GRK4: variants seen among roughly 807,000 people sequenced by gnomAD.
GRK4 encodes the protein G protein-coupled receptor kinase 4, also known as G protein-coupled receptor kinase 2-like.
A neutral mutation model predicts 77.9 loss-of-function variants in GRK4; 73 were observed. That is an observed-to-expected ratio of 0.94 (90% CI 0.78 to 1.14). GRK4 has a LOEUF of 1.14. GRK4 is among the 50% of genes most tolerant of loss of function. The probability of loss-of-function intolerance (pLI) is 0.00; values close to 1 mark genes in which losing one functional copy is unlikely to be tolerated. For synonymous variants in GRK4, 257 were observed against 254.4 expected, an observed-to-expected ratio of 1.01 and a Z score of -0.10; for missense variants, 729 against 700.2, an observed-to-expected ratio of 1.04 and a Z score of -0.46.
intron 8 of GRK4, among the ~76,000 whole-genome samples, chr4:3,015,316 A>G (rs1249745279): frequency 6.6e-6 from 1 of 152,252 alleles, no homozygotes; most frequent in Non-Finnish European, 1.5e-5. Context: ...TTTATTTCTT[A>G]GCCCGGAGGT....
At position 3,013,756 on chromosome 4, in the gene GRK4, AAAG is replaced by A; in HGVS notation, c.674_676del (p.Lys225del). 2 of 1,613,738 alleles carry A rather than the reference AAAG, an allele frequency of 1.2e-6. No homozygotes were observed. The highest frequency in any genetic ancestry group is 2.2e-5 in the South Asian group (2 of 90,906). ...GCAAAAAGCTACAAAAAAAAAGAAT[AAAG>A]AAGAGGAAAGGTGAAGCTATGGCTC... On this transcript the variant is annotated inframe_deletion, in exon 8 of 16. Coordinates refer to ENST00000398052, the MANE Select transcript of GRK4 (RefSeq NM_182982.3).
intron 5 of GRK4, among the ~76,000 whole-genome samples, chr4:3,005,239 T>C (rs147832764): frequency 1.6e-4 from 25 of 152,082 alleles, no homozygotes; most frequent in African/African-American, 5.8e-4. Context: ...CAGTCACTCA[T>C]GTCACAGCGG....
intron 12 of GRK4, among the ~76,000 whole-genome samples, chr4:3,031,392 TGCG>T (rs1343793495): frequency 6.6e-6 from 1 of 152,126 alleles, no homozygotes; most frequent in Non-Finnish European, 1.5e-5. Flanking sequence ...CAAGAGCCCA[TGCG>T]GACCTGAAGG....
At chr4:3,026,744 G>A (rs535098455) in intron 10 of GRK4, among the ~76,000 whole-genome samples, 1 of 152,372 alleles carries the variant, frequency 6.6e-6, no homozygotes, top group African/African-American at 2.4e-5. Context: ...CGCAGCAAGG[G>A]CGGGGTGTGG....
chr4:3,027,173 G>A (rs1737818745), intron 10 of GRK4, among the ~76,000 whole-genome samples: 1 of 152,166 alleles, frequency 6.6e-6, no homozygotes, highest in African/African-American at 2.4e-5. Flanking sequence ...CAGAGTAGCT[G>A]GGACCATAGC....
At chr4:3,030,942 T>C (rs1013107736) in intron 12 of GRK4, among the ~76,000 whole-genome samples, 10 of 152,058 alleles carry the variant, frequency 6.6e-5, no homozygotes, top group Non-Finnish European at 1.2e-4. Flanking sequence ...AGGAAGGCCA[T>C]TGGGGGCTTT....
At position 2,963,945 on chromosome 4, in the gene GRK4, T is replaced by C. The variant is rs753867455; in HGVS notation, c.-126T>C. ...GCGGCGGAGCAGCCTCCCGGGATCG[T>C]GTCCGGAGCTCGAGGAGAGGGTGGT... is the stretch of plus-strand genomic sequence containing the variant. On this transcript the variant is annotated 5_prime_UTR_variant, in exon 1 of 16. Transcript: ENST00000398052. 9.3e-6 allele frequency: 8 copies of C among 855,966 alleles called. No homozygotes were observed. The East Asian group carries it at 1.9e-4, about 20-fold the overall frequency. 53.0% of individuals were successfully genotyped at this position (855,966 alleles called of 1,614,324 possible).
At chr4:3,012,246 C>T (rs1288138787) in intron 7 of GRK4, among the ~76,000 whole-genome samples, 2 of 152,178 alleles carry the variant, frequency 1.3e-5, no homozygotes, top group Non-Finnish European at 2.9e-5. Flanking sequence ...GGGATAGTCA[C>T]ATTTTAGGAA....
chr4:3,035,555 A>G, intron 13 of GRK4, 32 bp downstream of exon 13: 4 of 1,595,086 alleles, frequency 2.5e-6, no homozygotes, highest in Non-Finnish European at 3.4e-6. Context: ...GCAGGGCCCT[A>G]GGAACAGTGA....
intron 12 of GRK4, 145 bp downstream of exon 12, chr4:3,029,554 A>G: frequency 1.5e-6 from 1 of 668,852 alleles, no homozygotes; most frequent in South Asian, 1.8e-5. Flanking sequence ...CTGCCCCTGC[A>G]GCCCAGTAGG....
intron 4 of GRK4, 130 bp downstream of exon 4, chr4:2,992,422 G>A: frequency 1.7e-6 from 1 of 580,678 alleles, no homozygotes; most frequent in Non-Finnish European, 3.1e-6. Flanking sequence ...CCTGACGCCT[G>A]TAATCCCAGC....
Position 3,035,487 on chromosome 4 carries a change from G to A in GRK4, c.1371G>A (p.Leu457=), listed in dbSNP as rs754322562. Residue 457 remains leucine, a synonymous_variant, in exon 13 of 16, where the codon CTG becomes CTA. Coordinates refer to ENST00000398052, the MANE Select transcript of GRK4 (RefSeq NM_182982.3). ...TCAAGGACATCAACTTCAGGAGGCT[G>A]GAGGCAAACATGCTGGAGCCCCCTT... The part of the protein sequence containing the change: ...PVFKDINFRR[L]EANMLEPPFC... 3 of 1,614,034 alleles carry A rather than the reference G, an allele frequency of 1.9e-6. No homozygotes were observed. Among genetic ancestry groups the A allele is most frequent in the Admixed American group, 1.7e-5 (1 of 60,016 alleles).
intron 8 of GRK4, among the ~76,000 whole-genome samples, chr4:3,019,317 C>T (rs890220406): frequency 2.6e-5 from 4 of 152,120 alleles, no homozygotes; most frequent in Non-Finnish European, 5.9e-5. Flanking sequence ...TGCGGTTGCC[C>T]GGGAAGTACA....
chr4:3,025,539 G>A (rs892298389), intron 10 of GRK4, among the ~76,000 whole-genome samples: 2 of 151,124 alleles, frequency 1.3e-5, no homozygotes, highest in Non-Finnish European at 2.9e-5. Flanking sequence ...ACAGGCGCCC[G>A]CCACCACGCC....
Position 3,019,622 on chromosome 4 carries a change from A to G in GRK4, c.742-19A>G. 1 of 1,579,650 alleles carries G rather than the reference A, an allele frequency of 6.3e-7. No individual in the cohort carries two copies. The highest frequency in any genetic ancestry group is 8.6e-7 in the Non-Finnish European group (1 of 1,160,326). On this transcript the variant is annotated intron_variant, in intron 8 of 15. Coordinates refer to ENST00000398052, the MANE Select transcript of GRK4 (RefSeq NM_182982.3). ...AAGAGCAAGTTCGTGTTCTGTTTTT[A>G]TGATGTTGCTGTCTTTAGGTTAGTT...
At chr4:3,032,185 A>G (rs112774268) in intron 12 of GRK4, among the ~76,000 whole-genome samples, 12 of 152,292 alleles carry the variant, frequency 7.9e-5, no homozygotes, top group African/African-American at 2.9e-4. Context: ...AAATGACTGC[A>G]GTGAAAAAGC....
chr4:3,022,465 C>A lies in GRK4; in HGVS notation c.970+14C>A, dbSNP rs1404959211. On this transcript the variant is annotated intron_variant, in intron 10 of 15. Coordinates refer to ENST00000398052, the MANE Select transcript of GRK4 (RefSeq NM_182982.3). ...TTGATGATCGTGGTAAGTGGGCAAGCCTTTCACATCTAATGGGTAGACTTT... is the reference window on the plus strand; with the variant it reads ...TTGATGATCGTGGTAAGTGGGCAAGACTTTCACATCTAATGGGTAGACTTT... 6.8e-6 allele frequency: 11 copies of A among 1,612,540 alleles called. No homozygotes were observed. Among genetic ancestry groups the A allele is most frequent in the Non-Finnish European group, 9.3e-6 (11 of 1,178,818 alleles).
chr4:3,021,405 G>A (rs1009905256), intron 9 of GRK4, among the ~76,000 whole-genome samples: 1 of 152,188 alleles, frequency 6.6e-6, no homozygotes, highest in African/African-American at 2.4e-5. Context: ...TGCTCAGATG[G>A]TCACGTCAGA....
At chr4:3,003,405 G>A (rs1348646407) in intron 4 of GRK4, among the ~76,000 whole-genome samples, 2 of 152,000 alleles carry the variant, frequency 1.3e-5, no homozygotes, top group African/African-American at 4.8e-5. Context: ...TGGCCAGGCT[G>A]GTCTTGAACT....
Sources: allele counts gnomAD v4.1 joint callset (sites outside exome capture counted in the v4.1 genomes callset), GRCh38; gene constraint gnomAD v4.1.1; transcripts MANE v1.5; gene names NCBI Gene and HGNC (gene_info 2026-07-23, HGNC 2026-07-21).